Variants in DCHS2 observed in about 807,000 individuals in gnomAD.
The protein encoded by DCHS2 is dachsous cadherin-related 2, also known as protocadherin-23.
In DCHS2, 142 loss-of-function variants were observed where a neutral mutation model predicts 182.4. That is an observed-to-expected ratio of 0.78 (90% CI 0.68 to 0.89). DCHS2 has a LOEUF of 0.89. DCHS2 is among the 40% of genes least tolerant of loss of function. The pLI is 0.00. For synonymous variants in DCHS2, 1,740 were observed against 1,663.3 expected (o/e 1.05, Z -1.12); for missense variants, 4,319 against 4,198.6 (o/e 1.03, Z -0.79).
chr4:154,433,473 C>T (rs978979389), intron 1 of DCHS2, among the ~76,000 whole-genome samples: 1 of 143,760 alleles, frequency 7.0e-6, no homozygotes, highest in African/African-American at 2.6e-5. Flanking sequence ...CCGCTCACTG[C>T]AACCTCTGCT....
At chr4:154,402,458 T>C (rs1296746958) in intron 1 of DCHS2, among the ~76,000 whole-genome samples, 1 of 152,178 alleles carries the variant, frequency 6.6e-6, no homozygotes, top group African/African-American at 2.4e-5. Flanking sequence ...ATAGATCAAT[T>C]TGGGAAGTAG....
At chr4:154,382,423 C>T (rs897593846) in intron 1 of DCHS2, among the ~76,000 whole-genome samples, 2 of 152,028 alleles carry the variant, frequency 1.3e-5, no homozygotes, top group African/African-American at 4.8e-5. Flanking sequence ...ACATTCTGGA[C>T]ATTGGCCTTG....
At chr4:154,302,394 C>A (rs1427178869) in intron 12 of DCHS2, among the ~76,000 whole-genome samples, 4 of 152,214 alleles carry the variant, frequency 2.6e-5, no homozygotes, top group Non-Finnish European at 5.9e-5. Flanking sequence ...TCCTTGCCAG[C>A]ATCCCCTTCC....
intron 1 of DCHS2, among the ~76,000 whole-genome samples, chr4:154,378,329 A>G (rs1054674126): frequency 3.9e-5 from 6 of 152,044 alleles, no homozygotes; most frequent in Admixed American, 2.6e-4. Context: ...TAGGCTCATG[A>G]TAGATAATGC....
At chr4:154,425,279 A>G (rs561022187) in intron 1 of DCHS2, among the ~76,000 whole-genome samples, 1 of 152,330 alleles carries the variant, frequency 6.6e-6, no homozygotes, top group African/African-American at 2.4e-5. Flanking sequence ...GCGTTGTGCA[A>G]ACGCTTAGAG....
At chr4:154,334,691 G>T in intron 4 of DCHS2, 177 bp downstream of exon 4, 1 of 563,778 alleles carries the variant, frequency 1.8e-6, no homozygotes, top group South Asian at 2.6e-5. Context: ...AAAAAAAATT[G>T]TGGGATGGAC....
intron 1 of DCHS2, among the ~76,000 whole-genome samples, chr4:154,418,935 T>C (rs566815616): frequency 2.8e-4 from 42 of 152,370 alleles, no homozygotes; most frequent in African/African-American, 8.4e-4. Flanking sequence ...AAAAACAGCA[T>C]GAATGCTGAA....
rs367660500 is a variant in DCHS2, at chr4:154,290,859, C to A, written c.6463+6992G>T. ...GCTAAAAGAAAACATTGGGGAAACG[C>A]TCTAGGAAATTGGAGTGGGAGTAGA... On this transcript the variant is annotated intron_variant, in intron 13 of 19. Transcript: ENST00000357232. 9.2e-5 allele frequency among the ~76,000 whole-genome samples: 14 copies of A among 152,166 alleles called. No individual in the cohort carries two copies. In the East Asian group the frequency reaches 2.1e-3, roughly 23 times the overall value.
Position 154,320,360 on chromosome 4 carries a change from G to T in DCHS2, c.5020+19C>A. On this transcript the variant is annotated intron_variant, in intron 9 of 19. Transcript: ENST00000357232. ...AATAAAATAAAATATTTTTAAAAGT[G>T]ACATATAGGGCACTGTACCTGATGA... 1.3e-6 allele frequency: 2 copies of T among 1,584,546 alleles called. No individual in the cohort carries two copies. The highest frequency in any genetic ancestry group is 2.3e-5 in the South Asian group (2 of 86,386).
chr4:154,293,175 C>A (rs1261228680), intron 13 of DCHS2, among the ~76,000 whole-genome samples: 1 of 150,910 alleles, frequency 6.6e-6, no homozygotes, highest in Non-Finnish European at 1.5e-5. Flanking sequence ...TAACTGGATG[C>A]GGGAAAGGGG....
intron 1 of DCHS2, among the ~76,000 whole-genome samples, chr4:154,386,036 G>T (rs1731397787): frequency 6.6e-6 from 1 of 152,006 alleles, no homozygotes; most frequent in Non-Finnish European, 1.5e-5. Context: ...GGGAACTCCT[G>T]ATTCCCACCC....
chr4:154,320,286 G>A (rs11935503), intron 9 of DCHS2, 93 bp downstream of exon 9: 488,052 of 1,505,928 alleles, frequency 0.32, 81,791 homozygotes, highest in East Asian at 0.39. Context: ...ACAATGTATT[G>A]TACACTTAAA....
At chr4:154,488,171 T>C (rs12644301) in intron 1 of DCHS2, among the ~76,000 whole-genome samples, 105,591 of 151,558 alleles carry the variant, frequency 0.7, 37,883 homozygotes, top group East Asian at 0.99. Flanking sequence ...AAGCAAGACC[T>C]TGTCTCAAAA....
At chr4:154,345,765 G>A (rs1729331971) in intron 3 of DCHS2, among the ~76,000 whole-genome samples, 1 of 152,140 alleles carries the variant, frequency 6.6e-6, no homozygotes, top group Non-Finnish European at 1.5e-5. Flanking sequence ...GCTCAGAAAA[G>A]GTGTTTGGTA....
intron 3 of DCHS2, among the ~76,000 whole-genome samples, chr4:154,348,202 T>G (rs929154386): frequency 6.6e-6 from 1 of 152,024 alleles, no homozygotes; most frequent in East Asian, 1.9e-4. Context: ...ACTGATCATT[T>G]GAGAGAATCA....
intron 13 of DCHS2, among the ~76,000 whole-genome samples, chr4:154,277,844 C>T (rs951732661): frequency 6.6e-6 from 1 of 151,934 alleles, no homozygotes; most frequent in Non-Finnish European, 1.5e-5. Flanking sequence ...AGTTCAAGAC[C>T]AGCCTGGCCA....
intron 1 of DCHS2, among the ~76,000 whole-genome samples, chr4:154,445,808 CAAA>C (rs11335225): frequency 3.6e-5 from 4 of 110,806 alleles, no homozygotes; most frequent in Non-Finnish European, 3.8e-5. Flanking sequence ...AAGACACTGT[CAAA>C]AAAAAAAAAA....
At chr4:154,319,685 A>G (rs1331142786) in intron 9 of DCHS2, among the ~76,000 whole-genome samples, 1 of 147,964 alleles carries the variant, frequency 6.8e-6, no homozygotes, top group South Asian at 2.2e-4. Flanking sequence ...AAAAAAGACA[A>G]CAAGTATTGG....
intron 2 of DCHS2, among the ~76,000 whole-genome samples, chr4:154,376,340 G>A (rs919273628): frequency 6.6e-6 from 1 of 152,030 alleles, no homozygotes; most frequent in African/African-American, 2.4e-5. Context: ...AAAGGATAGG[G>A]TCAGCAATGT....
Sources: gnomAD v4.1 joint callset for allele counts (sites outside exome capture counted in the v4.1 genomes callset) on GRCh38, gnomAD v4.1.1 for gene constraint, MANE v1.5 for transcripts, NCBI Gene and HGNC (gene_info 2026-07-23, HGNC 2026-07-21) for gene names.